The following RASSF6 variants were observed in gnomAD, a reference collection of about 807,000 sequenced individuals.
RASSF6 encodes the protein Ras association domain family member 6.
In RASSF6, 52 loss-of-function variants were observed where a neutral mutation model predicts 44.0. The observed-to-expected ratio is 1.18, with a 90% CI of 0.95 to 1.49. The LOEUF is 1.49. Ranked by LOEUF, RASSF6 falls within the 40% of genes most tolerant of loss-of-function variation. The pLI, the probability that RASSF6 is intolerant of heterozygous loss-of-function variation, is 0.00. For synonymous variants in RASSF6, 162 were observed against 124.6 expected (o/e 1.30, Z -2.00); for missense variants, 464 against 393.3 (o/e 1.18, Z -1.52).
intron 1 of RASSF6, 92 bp downstream of exon 1, chr4:73,620,196 G>GCT (rs1355227803): frequency 1.3e-6 from 1 of 751,616 alleles, no homozygotes; most frequent in Non-Finnish European, 2.0e-6. Context: ...ACTTAACTTT[G>GCT]TTGCCTATGG....
At chr4:73,613,526 A>G (rs1315063548) in intron 1 of RASSF6, among the ~76,000 whole-genome samples, 1 of 152,056 alleles carries the variant, frequency 6.6e-6, no homozygotes, top group Non-Finnish European at 1.5e-5. Context: ...CCCAGTGATG[A>G]CCCTGGGGTC....
rs746820960 is a variant in RASSF6, at chr4:73,581,822, G to A, written c.716C>T (p.Thr239Ile). ...QDFALHIIFATGEQRRLKKTD... is the reference protein window; with the variant it reads ...QDFALHIIFAIGEQRRLKKTD... ...GTGTGATCAAGCTTTCTTACCTCCT[G>A]TTGCAAAAATAATGTGAAGAGCAAA... Residue 239 changes from threonine to isoleucine, a missense_variant, in exon 8 of 11, where the codon ACA (threonine) becomes ATA (isoleucine). Transcript: ENST00000307439. The A allele has an allele frequency of 2.0e-5, 32 of 1,607,722 alleles. No homozygotes were observed. Among genetic ancestry groups the A allele is most frequent in the Non-Finnish European group, 2.6e-5 (31 of 1,174,834 alleles).
rs907166436 is a variant in RASSF6 at position 73,620,358 on chromosome 4, G to C, written c.-105C>G. ...TTCGGCTGAACTTGCTTCGCGGTTT[G>C]TTCTCGGCTGGGTCAGGAACTCTGG... is the stretch of plus-strand genomic sequence containing the variant. On this transcript the variant is annotated 5_prime_UTR_variant, in exon 1 of 11. Transcript: ENST00000307439. 1.0e-5 allele frequency: 15 copies of C among 1,504,714 alleles called. No individual in the cohort carries two copies. In the African/African-American group the frequency reaches 2.2e-4, roughly 22 times the overall value. 93.2% of individuals were successfully genotyped at this position (1,504,714 alleles called of 1,614,324 possible).
At chr4:73,591,621 G>C (rs1309977020) in intron 4 of RASSF6, among the ~76,000 whole-genome samples, 1 of 152,156 alleles carries the variant, frequency 6.6e-6, no homozygotes, top group East Asian at 1.9e-4. Context: ...TACCTGAAGT[G>C]AGAAATGTGG....
At chr4:73,586,943 T>A (rs1307283011) in intron 5 of RASSF6, among the ~76,000 whole-genome samples, 2 of 150,506 alleles carry the variant, frequency 1.3e-5, no homozygotes, top group Admixed American at 1.3e-4. Flanking sequence ...ACATTGCAAG[T>A]TGCTGGTAGG....
intron 1 of RASSF6, among the ~76,000 whole-genome samples, chr4:73,614,186 G>A (rs867986939): frequency 1.3e-5 from 2 of 152,048 alleles, no homozygotes; most frequent in East Asian, 1.9e-4. Context: ...TTCCAAATTC[G>A]AAAGCTTTGA....
Position 73,620,321 on chromosome 4 carries a change from T to A in RASSF6, c.-68A>T. 6.8e-6 allele frequency: 10 copies of A among 1,473,978 alleles called. No homozygotes were observed. Among genetic ancestry groups the A allele is most frequent in the Non-Finnish European group, 9.0e-6 (10 of 1,116,406 alleles). 91.3% of individuals were successfully genotyped at this position (1,473,978 alleles called of 1,614,324 possible). A position where few individuals can be genotyped will look rare whatever the true frequency, so the allele number is the denominator to read the frequency against. The stretch of plus-strand genomic sequence containing the variant: ...CACACTGTGAGCAGGAGGACCCTTT[T>A]CACCATCGTTGTTCGGCTGAACTTG... On this transcript the variant is annotated 5_prime_UTR_variant, in exon 1 of 11. It introduces an in-frame stop codon into an upstream open reading frame of the 5' UTR. Coordinates refer to ENST00000307439, the MANE Select transcript of RASSF6 (RefSeq NM_177532.5).
At chr4:73,611,991 A>G (rs1726047888) in intron 1 of RASSF6, among the ~76,000 whole-genome samples, 162 bp from the exon 2 acceptor site, 1 of 152,228 alleles carries the variant, frequency 6.6e-6, no homozygotes, top group Non-Finnish European at 1.5e-5. Context: ...AAAATGTATT[A>G]TGTAAATGAA....
chr4:73,612,184 G>C (rs1528920), intron 1 of RASSF6, among the ~76,000 whole-genome samples: 150,256 of 152,290 alleles, frequency 0.99, 74,148 homozygotes, highest in East Asian at 1. Context: ...ATCAGCAGAA[G>C]ACAACTGCAA....
At chr4:73,618,753 T>C (rs998172786) in intron 1 of RASSF6, among the ~76,000 whole-genome samples, 1 of 152,136 alleles carries the variant, frequency 6.6e-6, no homozygotes. Flanking sequence ...GAAAAAAGAA[T>C]CCATTAAAAC....
chr4:73,606,534 G>A (rs146299653), intron 2 of RASSF6, among the ~76,000 whole-genome samples: 1 of 152,230 alleles, frequency 6.6e-6, no homozygotes, highest in Non-Finnish European at 1.5e-5. Flanking sequence ...ATAGAGACAA[G>A]GGAATGGAGC....
At position 73,587,831 on chromosome 4, in the gene RASSF6, G is replaced by T. The variant is rs373686526; in HGVS notation, c.382+9C>A. 1.3e-6 allele frequency: 2 copies of T among 1,574,740 alleles called. No individual in the cohort carries two copies. Among genetic ancestry groups the T allele is most frequent in the Non-Finnish European group, 1.7e-6 (2 of 1,145,764 alleles). On this transcript the variant is annotated intron_variant, in intron 5 of 10. Transcript: ENST00000307439. The stretch of plus-strand genomic sequence containing the variant: ...TAAGTCTCCCAATCAATAAGATTTT[G>T]ATACTGACCTTCCTGGGAATTCCTT...
chr4:73,579,918 A>T (rs920432494), intron 8 of RASSF6, among the ~76,000 whole-genome samples: 3 of 151,664 alleles, frequency 2.0e-5, no homozygotes, highest in African/African-American at 7.3e-5. Context: ...CATGTGCACA[A>T]TGTGCAGGTT....
chr4:73,600,961 A>G (rs1351119905), intron 2 of RASSF6, among the ~76,000 whole-genome samples: 2 of 152,248 alleles, frequency 1.3e-5, no homozygotes, highest in South Asian at 2.1e-4. Context: ...AAATTTCACC[A>G]TAAAGAAATT....
intron 5 of RASSF6, among the ~76,000 whole-genome samples, chr4:73,585,967 AT>A (rs1168148997): frequency 7.5e-6 from 1 of 133,448 alleles, no homozygotes; most frequent in Non-Finnish European, 1.6e-5. Flanking sequence ...ATATCTCCTA[AT>A]GCTATCCCTC....
rs1723999428 is a variant in RASSF6, at chr4:73,585,300, C to T, written c.447G>A (p.Val149=). 1.9e-6 allele frequency: 3 copies of T among 1,611,876 alleles called. No homozygotes were observed. Among genetic ancestry groups the T allele is most frequent in the South Asian group, 2.2e-5 (2 of 90,696 alleles). The change falls in exon 6 of 11, where the codon GTG becomes GTA. Residue 149 remains valine, a synonymous_variant. Coordinates refer to ENST00000307439, the MANE Select transcript of RASSF6 (RefSeq NM_177532.5). ...CTGCTTCACTCATGGTTCTATAGAG[C>T]ACTGGGGAGTCTGGTTCATCCTTTG... ...PHAKDEPDSP[V]LYRTMSEAAL...
At chr4:73,598,536 T>G in intron 3 of RASSF6, 104 bp downstream of exon 3, 1 of 601,608 alleles carries the variant, frequency 1.7e-6, no homozygotes, top group East Asian at 3.4e-5. Context: ...AGAATCATAA[T>G]CAAGTTAAAC....
rs1723019185 is a variant in RASSF6, at chr4:73,573,342, G to T, written c.*2893C>A. On this transcript the variant is annotated 3_prime_UTR_variant, in exon 11 of 11. Transcript: ENST00000307439. ...AGGGTTTCACCATGTTGGCCAGGCT[G>T]GTCTCGAAATCCCAACCTCAAGTGA... 6.6e-6 allele frequency: 1 copy of T among 152,058 alleles called. No individual in the cohort carries two copies. Among genetic ancestry groups the T allele is most frequent in the Non-Finnish European group, 1.5e-5 (1 of 68,028 alleles). The allele number at this position is 152,058 out of a possible 1,614,324, so 9.4% of individuals were successfully genotyped here.
intron 3 of RASSF6, among the ~76,000 whole-genome samples, chr4:73,594,230 T>C (rs888835264): frequency 4.6e-5 from 7 of 152,234 alleles, no homozygotes; most frequent in Non-Finnish European, 1.0e-4. Context: ...AATCATTATA[T>C]ATATGAAAGT....
Sources: gnomAD v4.1 joint callset for allele counts (sites outside exome capture counted in the v4.1 genomes callset) on GRCh38, gnomAD v4.1.1 for gene constraint, MANE v1.5 for transcripts, NCBI Gene and HGNC (gene_info 2026-07-23, HGNC 2026-07-21) for gene names.